Variants in OPCML observed in about 807,000 individuals in gnomAD.
OPCML encodes opioid binding protein/cell adhesion molecule like, also known as opioid-binding protein/cell adhesion molecule.
A neutral mutation model predicts 37.8 loss-of-function variants in OPCML; 13 were observed. The observed-to-expected ratio is 0.34, with a 90% confidence interval of 0.22 to 0.55. The LOEUF (loss-of-function observed/expected upper bound fraction) is 0.55, where lower values mean the gene tolerates loss of function less well. Among genes scored for constraint, OPCML ranks in the 20% least tolerant of loss-of-function variants. The probability of loss-of-function intolerance (pLI) is 0.91; values close to 1 mark genes in which losing one functional copy is unlikely to be tolerated. For missense variants in OPCML, 341 were observed against 435.6 expected (o/e 0.78, Z 1.93); for synonymous variants, 176 against 168.8 (o/e 1.04, Z -0.33).
At chr11:133,042,480 G>A (rs901757212) in intron 1 of OPCML, among the ~76,000 whole-genome samples, 3 of 152,162 alleles carry the variant, frequency 2.0e-5, no homozygotes, top group East Asian at 1.9e-4. Flanking sequence ...GGACGCAAAC[G>A]GTGCAGTAGG....
chr11:133,023,369 T>C (rs1947489426), intron 1 of OPCML, among the ~76,000 whole-genome samples: 1 of 152,208 alleles, frequency 6.6e-6, no homozygotes, highest in Non-Finnish European at 1.5e-5. Flanking sequence ...TACAGCATCA[T>C]TACGTCCGCT....
chr11:133,040,244 C>T (rs927946659), intron 1 of OPCML, among the ~76,000 whole-genome samples: 2 of 152,120 alleles, frequency 1.3e-5, no homozygotes, highest in Non-Finnish European at 2.9e-5. Context: ...ATGCCTTCAT[C>T]ACCTCCTCCT....
chr11:132,892,530 A>G (rs1409467579), intron 2 of OPCML, among the ~76,000 whole-genome samples: 1 of 152,164 alleles, frequency 6.6e-6, no homozygotes, highest in African/African-American at 2.4e-5. Flanking sequence ...GCATTTTGGG[A>G]GGCCGAGGCG....
At chr11:132,471,971 TAGC>T (rs1039652244) in intron 4 of OPCML, among the ~76,000 whole-genome samples, 1 of 152,024 alleles carries the variant, frequency 6.6e-6, no homozygotes, top group African/African-American at 2.4e-5. Flanking sequence ...GGTGGAGGAG[TAGC>T]AGCAGGCCTA....
chr11:132,649,226 T>G (rs1292652755), intron 3 of OPCML, among the ~76,000 whole-genome samples: 4 of 152,192 alleles, frequency 2.6e-5, no homozygotes, highest in Non-Finnish European at 5.9e-5. Flanking sequence ...CACATGTATC[T>G]TCACAACAGT....
intron 1 of OPCML, among the ~76,000 whole-genome samples, chr11:133,385,917 T>C (rs1428734928): frequency 6.6e-6 from 1 of 151,760 alleles, no homozygotes; most frequent in Non-Finnish European, 1.5e-5. Flanking sequence ...GTTTTCTCTT[T>C]TTTTCTCTCT....
chr11:132,795,843 C>T (rs747587676), intron 2 of OPCML, among the ~76,000 whole-genome samples: 2 of 152,218 alleles, frequency 1.3e-5, no homozygotes, highest in Non-Finnish European at 2.9e-5. Context: ...TAGCCCAGGT[C>T]TGCCTAAGTT....
At chr11:133,032,699 A>G (rs4638316) in intron 1 of OPCML, among the ~76,000 whole-genome samples, 20,459 of 152,212 alleles carry the variant, frequency 0.13, 1,776 homozygotes, top group Admixed American at 0.28. Flanking sequence ...TACTAATGAA[A>G]GAAGCCTACC....
chr11:132,496,929 AG>A (rs1215148159), intron 4 of OPCML, among the ~76,000 whole-genome samples: 1 of 152,224 alleles, frequency 6.6e-6, no homozygotes, highest in Non-Finnish European at 1.5e-5. Flanking sequence ...AACGATGAGC[AG>A]GTACCTTATA....
intron 1 of OPCML, among the ~76,000 whole-genome samples, chr11:132,951,672 C>A (rs188490087): frequency 6.6e-6 from 1 of 152,138 alleles, no homozygotes; most frequent in East Asian, 1.9e-4. Context: ...GGCCTAATTC[C>A]CCATTGTCAC....
In OPCML at chr11:133,362,474, C is replaced by T. The variant is rs559588006; in HGVS notation, c.61+169790G>A. 2.0e-5 allele frequency among the ~76,000 whole-genome samples: 3 copies of T among 152,288 alleles called. No homozygotes were observed. In the East Asian group the frequency reaches 5.8e-4, roughly 29 times the overall value. On this transcript the variant is annotated intron_variant, in intron 1 of 7. Coordinates refer to ENST00000524381, the MANE Select transcript of OPCML (RefSeq NM_001012393.5). ...GAGCAGTGCGGCTTTGTGCTTAGGC[C>T]TCCGGGGAAGTGAGCTGTTTCCTTG...
At chr11:132,940,224 A>G (rs1205218690) in intron 2 of OPCML, among the ~76,000 whole-genome samples, 1 of 152,198 alleles carries the variant, frequency 6.6e-6, no homozygotes, top group African/African-American at 2.4e-5. Flanking sequence ...TCACTGGGAA[A>G]GTGAAAGGCA....
Position 132,736,405 on chromosome 11 carries a change from C to T in OPCML, c.147-79086G>A, listed in dbSNP as rs955829711. ...TTTGGGAGGGGGTAAGTGCATTTTA[C>T]GTTTTGGAGGAATATGAATGGTTAA... On this transcript the variant is annotated intron_variant, in intron 2 of 7. Coordinates refer to ENST00000524381, the MANE Select transcript of OPCML (RefSeq NM_001012393.5). Among the ~76,000 whole-genome samples, 4 of 152,102 alleles carry T rather than the reference C, an allele frequency of 2.6e-5. No individual in the cohort carries two copies. In the East Asian group the frequency reaches 5.8e-4, roughly 22 times the overall value.
At chr11:133,485,458 G>A (rs1286697421) in intron 1 of OPCML, among the ~76,000 whole-genome samples, 6 of 152,090 alleles carry the variant, frequency 3.9e-5, no homozygotes, top group African/African-American at 9.7e-5. Flanking sequence ...CCTTTTCACT[G>A]GTGATCTAGA....
At chr11:132,550,423 C>T (rs546976611) in intron 3 of OPCML, among the ~76,000 whole-genome samples, 1 of 152,270 alleles carries the variant, frequency 6.6e-6, no homozygotes, top group Non-Finnish European at 1.5e-5. Context: ...GTGACTCCCT[C>T]TGTCTCTCTC....
At chr11:132,476,701 G>T (rs74771508) in intron 4 of OPCML, among the ~76,000 whole-genome samples, 1 of 151,860 alleles carries the variant, frequency 6.6e-6, no homozygotes, top group African/African-American at 2.4e-5. Flanking sequence ...GGGGTGGAGG[G>T]AGCAGGGATG....
chr11:132,668,193 T>C (rs1942305360), intron 2 of OPCML, among the ~76,000 whole-genome samples: 1 of 152,164 alleles, frequency 6.6e-6, no homozygotes, highest in Admixed American at 6.5e-5. Flanking sequence ...TTGTCAATGA[T>C]GGGGATGTGA....
rs535249334 is a variant in OPCML, at chr11:133,320,521, G to T, written c.61+211743C>A. 5.9e-5 allele frequency among the ~76,000 whole-genome samples: 9 copies of T among 152,268 alleles called. No homozygotes were observed. In the East Asian group the frequency reaches 1.7e-3, roughly 29 times the overall value. On this transcript the variant is annotated intron_variant, in intron 1 of 7. Coordinates refer to ENST00000524381, the MANE Select transcript of OPCML (RefSeq NM_001012393.5). Reference sequence around the variant, plus strand: ...AGAAAATTAAATGAAGCAAGTATCAGAGTGCTCAAAACAGCATAAACATCT... The same window carrying T: ...AGAAAATTAAATGAAGCAAGTATCATAGTGCTCAAAACAGCATAAACATCT...
At chr11:133,150,933 G>A (rs778881088) in intron 1 of OPCML, among the ~76,000 whole-genome samples, 5 of 151,892 alleles carry the variant, frequency 3.3e-5, no homozygotes, top group South Asian at 2.1e-4. Flanking sequence ...CCCCTGCCCC[G>A]GAACCCTTCT....
Sources: gnomAD v4.1 joint callset for allele counts (sites outside exome capture counted in the v4.1 genomes callset) on GRCh38, gnomAD v4.1.1 for gene constraint, MANE v1.5 for transcripts, NCBI Gene and HGNC (gene_info 2026-07-23, HGNC 2026-07-21) for gene names.